The following POLK variants were observed in gnomAD, a reference collection of about 807,000 sequenced individuals.
The protein encoded by POLK is polymerase (DNA directed) kappa.
A neutral mutation model predicts 94.0 loss-of-function variants in POLK; 76 were observed. That is an observed-to-expected ratio of 0.81 (90% CI 0.67 to 0.98). POLK has a LOEUF of 0.98. POLK is among the 50% of genes least tolerant of loss of function. The probability of loss-of-function intolerance (pLI) is 0.00; values close to 1 mark genes in which losing one functional copy is unlikely to be tolerated. For missense variants in POLK, 954 were observed against 1,010.1 expected, an observed-to-expected ratio of 0.94 and a Z score of 0.75; for synonymous variants, 349 against 325.4, an observed-to-expected ratio of 1.07 and a Z score of -0.78.
At chr5:75,599,593 T>TA (rs1203068538) in exon 15 of POLK, 1 of 152,156 alleles carries the variant, frequency 6.6e-6, no homozygotes, top group Non-Finnish European at 1.5e-5. Flanking sequence ...GTGATTTACT[T>TA]ATGTAAATTA....
intron 10 of POLK, among the ~76,000 whole-genome samples, chr5:75,589,366 T>G (rs993579362): frequency 1.2e-4 from 17 of 145,344 alleles, no homozygotes; most frequent in Non-Finnish European, 7.5e-5. Flanking sequence ...TCTTGTTTGC[T>G]TATTTTATAT....
intron 4 of POLK, among the ~76,000 whole-genome samples, chr5:75,571,581 A>G (rs1771603407): frequency 6.6e-6 from 1 of 152,206 alleles, no homozygotes; most frequent in Non-Finnish European, 1.5e-5. Flanking sequence ...TCGACTGAGG[A>G]GATTGGAATG....
chr5:75,558,113 T>G (rs1344813547), intron 3 of POLK, among the ~76,000 whole-genome samples: 1 of 152,138 alleles, frequency 6.6e-6, no homozygotes, highest in East Asian at 1.9e-4. Flanking sequence ...AATTTTAAAT[T>G]TTACTTGTTC....
chr5:75,608,153 G>A, the POLK span, among the ~76,000 whole-genome samples: 11 of 152,054 alleles, frequency 7.2e-5, no homozygotes, highest in Non-Finnish European at 1.0e-4. Flanking sequence ...ATTGCAGGTC[G>A]GGTACTGTTT....
At chr5:75,527,158 A>C (rs1282848943) in intron 1 of POLK, among the ~76,000 whole-genome samples, 1 of 152,084 alleles carries the variant, frequency 6.6e-6, no homozygotes, top group Admixed American at 6.6e-5. Context: ...GCTTTGTTCT[A>C]TTCTCCTCTA....
intron 1 of POLK, among the ~76,000 whole-genome samples, chr5:75,513,670 A>G (rs1469654481): frequency 6.6e-6 from 1 of 152,260 alleles, no homozygotes. Context: ...TTTTACTCCT[A>G]TCTGTTTGGT....
downstream of POLK, among the ~76,000 whole-genome samples, chr5:75,603,304 C>A (rs1773338838): frequency 6.6e-6 from 1 of 151,894 alleles, no homozygotes; most frequent in Non-Finnish European, 1.5e-5. Context: ...TTTGTCAAGC[C>A]CTTATCAGTT....
intron 1 of POLK, among the ~76,000 whole-genome samples, chr5:75,517,033 T>C (rs1768357434): frequency 6.6e-6 from 1 of 152,230 alleles, no homozygotes; most frequent in Non-Finnish European, 1.5e-5. Flanking sequence ...ATTATGGTCA[T>C]TTGGTTACTA....
At position 75,571,313 on chromosome 5, in the gene POLK, T is replaced by C. The variant is rs533525569; in HGVS notation, c.408+1821T>C. Among the ~76,000 whole-genome samples, 3 of 152,320 alleles carry C rather than the reference T, an allele frequency of 2.0e-5. 1 individual carries two copies. The highest frequency in any genetic ancestry group is 1.3e-4 in the Admixed American group (2 of 15,288). Reference sequence around the variant, plus strand: ...GATTATTCCCACTGATAAAATTCTTTTTTGGCGAATTTGATGGATTTTTGA... The same window carrying C: ...GATTATTCCCACTGATAAAATTCTTCTTTGGCGAATTTGATGGATTTTTGA... On this transcript the variant is annotated intron_variant, in intron 4 of 14. Coordinates refer to ENST00000241436, the Ensembl canonical transcript of POLK.
intron 1 of POLK, among the ~76,000 whole-genome samples, chr5:75,514,425 C>A (rs1167011645): frequency 6.6e-6 from 1 of 152,288 alleles, no homozygotes; most frequent in South Asian, 2.1e-4. Flanking sequence ...TAAAATTGGT[C>A]AGACACCAAA....
exon 7 of POLK, chr5:75,581,422 A>G: frequency 6.2e-7 from 1 of 1,613,706 alleles, no homozygotes; most frequent in Non-Finnish European, 8.5e-7. Context: ...AGAATTGAGC[A>G]GAAAACAACA....
chr5:75,527,549 G>A (rs1012326197), intron 1 of POLK, among the ~76,000 whole-genome samples: 2 of 149,038 alleles, frequency 1.3e-5, no homozygotes, highest in African/African-American at 2.5e-5. Flanking sequence ...ACAAGTACGT[G>A]TGTGTATATA....
intron 10 of POLK, among the ~76,000 whole-genome samples, chr5:75,589,886 ACT>A (rs1301793517): frequency 6.6e-6 from 1 of 152,088 alleles, no homozygotes; most frequent in Non-Finnish European, 1.5e-5. Context: ...CTATTAAACA[ACT>A]CTGCGTAGGT....
chr5:75,579,609 C>G (rs1487227860), intron 6 of POLK, among the ~76,000 whole-genome samples: 1 of 151,876 alleles, frequency 6.6e-6, no homozygotes, highest in Non-Finnish European at 1.5e-5. Context: ...CCTCCCACCT[C>G]AGCTTCCCAA....
In POLK at chr5:75,597,197, T is replaced by A; in HGVS notation, c.2485+19T>A. On this transcript the variant is annotated intron_variant, in intron 13 of 14. Coordinates refer to ENST00000241436, the Ensembl canonical transcript of POLK. ...AGTACTGGTAAGTGTGTAATTGTTT[T>A]AAACTGCATGATTTTCTAGGAATAT... 8.6e-7 allele frequency: 1 copy of A among 1,168,966 alleles called. No individual in the cohort carries two copies. Among genetic ancestry groups the A allele is most frequent in the Non-Finnish European group, 1.3e-6 (1 of 793,394 alleles). 72.4% of individuals were successfully genotyped at this position (1,168,966 alleles called of 1,614,324 possible).
intron 1 of POLK, among the ~76,000 whole-genome samples, chr5:75,531,043 G>A (rs988715363): frequency 1.3e-5 from 2 of 151,592 alleles, no homozygotes; most frequent in African/African-American, 2.4e-5. Context: ...TCCTGACCTC[G>A]TGATCCTCCT....
chr5:75,579,288 C>T (rs542250995), intron 6 of POLK, among the ~76,000 whole-genome samples: 4 of 152,184 alleles, frequency 2.6e-5, no homozygotes, highest in Middle Eastern at 3.4e-3. Flanking sequence ...CTTTCTTTAC[C>T]GTGACTTCTA....
At chr5:75,526,194 A>C (rs80024454) in intron 1 of POLK, among the ~76,000 whole-genome samples, 1,788 of 152,236 alleles carry the variant, frequency 0.012, 9 homozygotes, top group Non-Finnish European at 0.019. Context: ...GGTTGGCTGT[A>C]TCTTGAAAAG....
intron 1 of POLK, among the ~76,000 whole-genome samples, chr5:75,542,224 A>T (rs1769775084): frequency 6.6e-6 from 1 of 152,138 alleles, no homozygotes; most frequent in South Asian, 2.1e-4. Context: ...TTGGTTATTT[A>T]TAGTATATTA....
Sources: allele counts gnomAD v4.1 joint callset (sites outside exome capture counted in the v4.1 genomes callset), GRCh38; gene constraint gnomAD v4.1.1; transcripts MANE v1.5; gene names NCBI Gene and HGNC (gene_info 2026-07-23, HGNC 2026-07-21).